Variants in CDKAL1 observed in about 807,000 individuals in gnomAD.
CDKAL1 encodes CDKAL1 threonylcarbamoyladenosine tRNA methylthiotransferase.
CDKAL1 carries 32 observed loss-of-function variants against 68.2 expected under a neutral mutation model. The observed-to-expected ratio is 0.47, with a 90% CI of 0.35 to 0.63. The LOEUF (loss-of-function observed/expected upper bound fraction) is 0.63, where lower values mean the gene tolerates loss of function less well. Among genes scored for constraint, CDKAL1 ranks in the 30% least tolerant of loss-of-function variants. The probability of loss-of-function intolerance (pLI) is 0.00; values close to 1 mark genes in which losing one functional copy is unlikely to be tolerated. For synonymous variants in CDKAL1, 234 were observed against 244.3 expected, an observed-to-expected ratio of 0.96 and a Z score of 0.39; for missense variants, 606 against 696.7, an observed-to-expected ratio of 0.87 and a Z score of 1.47.
chr6:20,577,609 A>C (rs904249323), intron 4 of CDKAL1, among the ~76,000 whole-genome samples: 1 of 152,236 alleles, frequency 6.6e-6, no homozygotes, highest in Non-Finnish European at 1.5e-5. Flanking sequence ...GAATGACTGA[A>C]TGAATGAATA....
At chr6:20,793,970 GTTTCT>G (rs1339313865) in intron 8 of CDKAL1, among the ~76,000 whole-genome samples, 1 of 151,088 alleles carries the variant, frequency 6.6e-6, no homozygotes. Context: ...TAATTTCTTA[GTTTCT>G]TTTGTTTATC....
chr6:20,810,511 C>A (rs909813859), intron 8 of CDKAL1, among the ~76,000 whole-genome samples: 3 of 150,926 alleles, frequency 2.0e-5, no homozygotes, highest in Non-Finnish European at 4.4e-5. Flanking sequence ...GTGGGAGGAT[C>A]GCTTGAGCCC....
chr6:20,831,487 C>T (rs1217258403), intron 8 of CDKAL1, among the ~76,000 whole-genome samples: 1 of 152,156 alleles, frequency 6.6e-6, no homozygotes, highest in Non-Finnish European at 1.5e-5. Flanking sequence ...GTTTTCAGTG[C>T]ATCTCATTGA....
At chr6:21,014,059 G>A (rs1222691914) in intron 11 of CDKAL1, among the ~76,000 whole-genome samples, 1 of 152,140 alleles carries the variant, frequency 6.6e-6, no homozygotes, top group Non-Finnish European at 1.5e-5. Context: ...TTCCAGCCAG[G>A]AAGAAGGAGA....
chr6:20,673,551 T>C (rs1769949474), intron 5 of CDKAL1, among the ~76,000 whole-genome samples: 1 of 152,196 alleles, frequency 6.6e-6, no homozygotes, highest in South Asian at 2.1e-4. Context: ...ACAGAACACA[T>C]GTGATATGGT....
chr6:20,570,112 T>TTTG (rs899279419), intron 4 of CDKAL1, among the ~76,000 whole-genome samples: 31 of 152,162 alleles, frequency 2.0e-4, no homozygotes, highest in African/African-American at 7.5e-4. Context: ...TTAATTAATT[T>TTTG]TTGTTGTTGT....
intron 10 of CDKAL1, among the ~76,000 whole-genome samples, chr6:20,989,713 G>A (rs980322765): frequency 6.6e-6 from 1 of 152,078 alleles, no homozygotes; most frequent in African/African-American, 2.4e-5. Context: ...TTTTTATAGC[G>A]TATACCTGTT....
chr6:20,993,839 C>T (rs76193732), intron 10 of CDKAL1, among the ~76,000 whole-genome samples: 131 of 152,304 alleles, frequency 8.6e-4, no homozygotes, highest in African/African-American at 3.1e-3. Context: ...GATGGAAACA[C>T]TGTTTTTTAA....
intron 13 of CDKAL1, among the ~76,000 whole-genome samples, chr6:21,188,528 T>G (rs1451289453): frequency 6.6e-6 from 1 of 152,222 alleles, no homozygotes; most frequent in Non-Finnish European, 1.5e-5. Flanking sequence ...TGTTCAATTT[T>G]TAGGTTTGCG....
intron 12 of CDKAL1, among the ~76,000 whole-genome samples, chr6:21,091,556 A>G (rs1283182224): frequency 6.6e-6 from 1 of 152,180 alleles, no homozygotes; most frequent in African/African-American, 2.4e-5. Context: ...CTCCTCACTC[A>G]CACCAACAGA....
At chr6:21,028,896 A>G (rs1481043068) in intron 11 of CDKAL1, among the ~76,000 whole-genome samples, 1 of 152,202 alleles carries the variant, frequency 6.6e-6, no homozygotes, top group Non-Finnish European at 1.5e-5. Context: ...CCAAGCAAAC[A>G]TCACATCTTT....
In CDKAL1 at chr6:21,202,904, C is replaced by T. The variant is rs572765963; in HGVS notation, c.1548+1630C>T. On this transcript the variant is annotated intron_variant, in intron 15 of 15. Coordinates refer to ENST00000274695, the MANE Select transcript of CDKAL1 (RefSeq NM_017774.3). ...AGCCCAGCTCTGAACCAGAATGGCC[C>T]AAAAGTCCCGGATAAGATGAGGAAG... Among the ~76,000 whole-genome samples, 7 of 152,218 alleles carry T rather than the reference C, an allele frequency of 4.6e-5. No individual in the cohort carries two copies. In the South Asian group the frequency reaches 1.5e-3, roughly 32 times the overall value.
chr6:20,719,734 C>T (rs933672672), intron 5 of CDKAL1, among the ~76,000 whole-genome samples: 1 of 152,154 alleles, frequency 6.6e-6, no homozygotes, highest in African/African-American at 2.4e-5. Flanking sequence ...ACCACTAGCT[C>T]AAGAAATGAA....
chr6:21,081,960 A>G (rs1772429624), intron 12 of CDKAL1, among the ~76,000 whole-genome samples: 1 of 152,190 alleles, frequency 6.6e-6, no homozygotes, highest in Non-Finnish European at 1.5e-5. Context: ...AACGTTCCAA[A>G]GGACTTATAC....
Position 21,050,701 on chromosome 6 carries a change from T to C in CDKAL1, c.1056-14347T>C, listed in dbSNP as rs191950921. ...TAGGAAAGGGTAGGTATATGTAGAA[T>C]AGATGAAGGGTGGGGATCAATCAGA... is the stretch of plus-strand genomic sequence containing the variant. On this transcript the variant is annotated intron_variant, in intron 11 of 15. Transcript: ENST00000274695. 3.3e-3 allele frequency among the ~76,000 whole-genome samples: 497 copies of C among 152,258 alleles called. 2 individuals are homozygous for C. Among genetic ancestry groups the C allele is most frequent in the African/African-American group, 0.011 (455 of 41,560 alleles).
intron 13 of CDKAL1, among the ~76,000 whole-genome samples, chr6:21,184,863 C>T (rs1429340902): frequency 8.5e-6 from 1 of 117,160 alleles, no homozygotes; most frequent in African/African-American, 3.4e-5. Context: ...GATGGGGTTT[C>T]ACCATGTTGC....
At chr6:20,748,819 A>G (rs1053102026) in intron 6 of CDKAL1, among the ~76,000 whole-genome samples, 3 of 151,816 alleles carry the variant, frequency 2.0e-5, no homozygotes, top group Non-Finnish European at 2.9e-5. Flanking sequence ...TTTACAGATC[A>G]GTGGAGTTTT....
chr6:21,153,145 C>G (rs1160558564), intron 13 of CDKAL1, among the ~76,000 whole-genome samples: 2 of 151,506 alleles, frequency 1.3e-5, no homozygotes, highest in East Asian at 1.9e-4. Flanking sequence ...ATATTCTTAA[C>G]CTGTTTTTTC....
chr6:21,085,505 G>C (rs1350532078), intron 12 of CDKAL1, among the ~76,000 whole-genome samples: 1 of 152,146 alleles, frequency 6.6e-6, no homozygotes, highest in Non-Finnish European at 1.5e-5. Flanking sequence ...GTTAAAACTT[G>C]GGGGCTTGTG....
Sources: allele counts gnomAD v4.1 joint callset (sites outside exome capture counted in the v4.1 genomes callset), GRCh38; gene constraint gnomAD v4.1.1; transcripts MANE v1.5; gene names NCBI Gene and HGNC (gene_info 2026-07-23, HGNC 2026-07-21).